The following ADARB2 variants were observed in gnomAD, a reference collection of about 807,000 sequenced individuals.
The protein encoded by ADARB2 is adenosine deaminase RNA specific B2 (inactive), also known as inactive double-stranded RNA-specific editase B2.
ADARB2 carries 25 observed loss-of-function variants against 62.2 expected under a neutral mutation model. That is an observed-to-expected ratio of 0.40 (90% CI 0.29 to 0.56). ADARB2 has a LOEUF of 0.56. Among genes scored for constraint, ADARB2 ranks in the 20% least tolerant of loss-of-function variants. ADARB2 has a pLI of 0.43. For synonymous variants in ADARB2, 572 were observed against 500.8 expected (o/e 1.14, Z -1.90); for missense variants, 1,071 against 1,077.4 (o/e 0.99, Z 0.08).
intron 1 of ADARB2, among the ~76,000 whole-genome samples, chr10:1,585,798 G>T (rs1205948655): frequency 6.6e-6 from 1 of 152,180 alleles, no homozygotes; most frequent in Non-Finnish European, 1.5e-5. Context: ...ACTTTGGGAG[G>T]CCAAGGTGGG....
At chr10:1,309,322 C>T (rs974720064) in intron 3 of ADARB2, among the ~76,000 whole-genome samples, 6 of 152,196 alleles carry the variant, frequency 3.9e-5, no homozygotes, top group Non-Finnish European at 7.3e-5. Flanking sequence ...GTCTGAATCT[C>T]ACCCCATGCC....
At position 1,501,165 on chromosome 10, in the gene ADARB2, G is replaced by A. The variant is rs530750105; in HGVS notation, c.101-122005C>T. 2.9e-4 allele frequency among the ~76,000 whole-genome samples: 44 copies of A among 152,286 alleles called. No homozygotes were observed. In the South Asian group the frequency reaches 4.8e-3, roughly 17 times the overall value. On this transcript the variant is annotated intron_variant, in intron 1 of 9. Transcript: ENST00000381312. Reference sequence around the variant, plus strand: ...TGGGATTATAGGCGTGAGTCACCACGCCTGGCCTCTAGTGTACCTTTTTAA... The same window carrying A: ...TGGGATTATAGGCGTGAGTCACCACACCTGGCCTCTAGTGTACCTTTTTAA...
intron 1 of ADARB2, among the ~76,000 whole-genome samples, chr10:1,571,546 A>C (rs1832932983): frequency 6.6e-6 from 1 of 152,218 alleles, no homozygotes; most frequent in Admixed American, 6.5e-5. Context: ...GTTCCTGAGG[A>C]GCTATGAAGC....
chr10:1,587,049 T>C (rs1833189958), intron 1 of ADARB2, among the ~76,000 whole-genome samples: 1 of 152,250 alleles, frequency 6.6e-6, no homozygotes, highest in Non-Finnish European at 1.5e-5. Context: ...GCAAATTTTC[T>C]GTCTTCTGGC....
chr10:1,260,792 G>GAA (rs755814130), intron 4 of ADARB2, among the ~76,000 whole-genome samples: 1 of 128,780 alleles, frequency 7.8e-6, no homozygotes, highest in African/African-American at 2.7e-5. Flanking sequence ...CACAGAATTG[G>GAA]AAAAAACTAC....
intron 3 of ADARB2, among the ~76,000 whole-genome samples, chr10:1,330,921 T>C (rs1224554894): frequency 6.6e-6 from 1 of 152,216 alleles, no homozygotes; most frequent in Non-Finnish European, 1.5e-5. Context: ...CATAATAACA[T>C]TTTATAACTC....
chr10:1,633,217 C>T (rs949708737), intron 1 of ADARB2, among the ~76,000 whole-genome samples: 1 of 152,156 alleles, frequency 6.6e-6, no homozygotes, highest in Non-Finnish European at 1.5e-5. Flanking sequence ...CCTGGTTCAC[C>T]AGTGCCCAAG....
At chr10:1,678,433 G>T in intron 1 of ADARB2, 1 of 734,658 alleles carries the variant, frequency 1.4e-6, no homozygotes, top group Non-Finnish European at 1.7e-6. Flanking sequence ...TCAGCACTCA[G>T]GACAGTAACG....
At chr10:1,576,243 G>A (rs1376067539) in intron 1 of ADARB2, among the ~76,000 whole-genome samples, 1 of 151,138 alleles carries the variant, frequency 6.6e-6, no homozygotes, top group East Asian at 2.0e-4. Flanking sequence ...GTCACAGGAG[G>A]TGGCTTAGGG....
At chr10:1,702,925 T>G (rs992129635) in intron 1 of ADARB2, among the ~76,000 whole-genome samples, 11 of 152,262 alleles carry the variant, frequency 7.2e-5, no homozygotes, top group African/African-American at 2.7e-4. Context: ...TACTGTTATC[T>G]TCAGATGGTA....
At position 1,737,168 on chromosome 10, in the gene ADARB2, G is replaced by C. The variant is rs771133246; in HGVS notation, c.-18C>G. The C allele has an allele frequency of 6.2e-7, 1 of 1,602,934 alleles. No individual in the cohort carries two copies. Among genetic ancestry groups the C allele is most frequent in the South Asian group, 1.1e-5 (1 of 91,068 alleles). ...GAGGCCATGGCCGAGACCCAGGCGCGGAGCCCAGAGCCGCCTCCCTCCTGC... is the reference window on the plus strand; with the variant it reads ...GAGGCCATGGCCGAGACCCAGGCGCCGAGCCCAGAGCCGCCTCCCTCCTGC... On this transcript the variant is annotated 5_prime_UTR_variant, in exon 1 of 10. Transcript: ENST00000381312.
At chr10:1,412,756 C>T (rs1267319034) in intron 1 of ADARB2, among the ~76,000 whole-genome samples, 2 of 152,162 alleles carry the variant, frequency 1.3e-5, no homozygotes, top group East Asian at 1.9e-4. Flanking sequence ...TTTCGGGGCT[C>T]ATCCTCCCGC....
chr10:1,363,551 G>A lies in ADARB2; in HGVS notation c.554C>T (p.Ala185Val). ...GGGGAACTGCACGAAGGACCTGAGTGCCAGCTCCGCCGCGCGCATCTTGGC... is the reference window on the plus strand; with the variant it reads ...GGGGAACTGCACGAAGGACCTGAGTACCAGCTCCGCCGCGCGCATCTTGGC... ...KKAKMRAAEL[A>V]LRSFVQFPNA... The change falls in exon 3 of 10, where the codon GCA becomes GTA. Residue 185 changes from alanine (A) to valine (V), a missense_variant. Physicochemically the swap from Ala to Val is moderately conservative, Grantham distance 64. Transcript: ENST00000381312. 6.4e-7 allele frequency: 1 copy of A among 1,565,572 alleles called. No individual in the cohort carries two copies. The highest frequency in any genetic ancestry group is 8.6e-7 in the Non-Finnish European group (1 of 1,157,424).
intron 1 of ADARB2, among the ~76,000 whole-genome samples, chr10:1,569,329 C>A (rs1588306122): frequency 1.3e-5 from 2 of 152,140 alleles, no homozygotes; most frequent in South Asian, 2.1e-4. Context: ...GCAGCGGCTG[C>A]TTCTTTGCTG....
At chr10:1,262,651 G>A (rs1346119848) in intron 4 of ADARB2, among the ~76,000 whole-genome samples, 15 of 152,130 alleles carry the variant, frequency 9.9e-5, no homozygotes, top group Non-Finnish European at 1.5e-5. Context: ...GAGAGGATGT[G>A]GAGAAATAGG....
intron 1 of ADARB2, among the ~76,000 whole-genome samples, chr10:1,660,974 A>T: frequency 6.6e-6 from 1 of 152,134 alleles, no homozygotes; most frequent in Admixed American, 6.5e-5. Context: ...CCCCCCTCTG[A>T]CCAGAAACAT....
chr10:1,241,609 C>T (rs1830925011), intron 5 of ADARB2, among the ~76,000 whole-genome samples: 2 of 152,292 alleles, frequency 1.3e-5, no homozygotes, highest in South Asian at 4.1e-4. Context: ...CAGGAGGCTG[C>T]CCCATGACAG....
rs1334492582 is a variant in ADARB2, at chr10:1,180,488, G to C, written c.*2705C>G. ...GGCCCCTTCGGGCACTCCTGGCACT[G>C]TGGAATCCTAGGACCTGGCCCTTCC... On this transcript the variant is annotated 3_prime_UTR_variant, in exon 10 of 10. Transcript: ENST00000381312. 2 of 152,834 alleles carry C rather than the reference G, an allele frequency of 1.3e-5. No homozygotes were observed. Among genetic ancestry groups the C allele is most frequent in the African/African-American group, 4.8e-5 (2 of 41,462 alleles). 9.5% of individuals were successfully genotyped at this position (152,834 alleles called of 1,614,324 possible).
chr10:1,181,971 A>G lies in ADARB2; in HGVS notation c.*1222T>C, dbSNP rs11250313. The G allele has an allele frequency of 0.34, 51,184 of 152,064 alleles. 8,667 individuals are homozygous for G. Among genetic ancestry groups the G allele is most frequent in the Admixed American group, 0.4 (6,128 of 15,274 alleles). 9.4% of individuals were successfully genotyped at this position (152,064 alleles called of 1,614,324 possible). ...CTGTGGGCTAAAGCCCCCATGTCCC[A>G]TCTCCACTGTGAGCTGAAGGTCTCT... is the stretch of plus-strand genomic sequence containing the variant. On this transcript the variant is annotated 3_prime_UTR_variant, in exon 10 of 10. Transcript: ENST00000381312.
Sources: gnomAD v4.1 joint callset for allele counts (sites outside exome capture counted in the v4.1 genomes callset) on GRCh38, gnomAD v4.1.1 for gene constraint, MANE v1.5 for transcripts, NCBI Gene and HGNC (gene_info 2026-07-23, HGNC 2026-07-21) for gene names.